ADCY4: variants seen among roughly 807,000 people sequenced by gnomAD.
ADCY4 encodes the protein adenylate cyclase type 4.
Under a neutral mutation model 125.5 loss-of-function variants are expected in ADCY4, and 111 were observed. The ratio of observed to expected loss-of-function variants is 0.88; its 90% CI spans 0.76 to 1.04. The LOEUF is 1.04. ADCY4 is among the 50% of genes least tolerant of loss of function. ADCY4 has a pLI of 0.00. For synonymous variants in ADCY4, 576 were observed against 586.9 expected, an observed-to-expected ratio of 0.98 and a Z score of 0.27; for missense variants, 1,256 against 1,382.9, an observed-to-expected ratio of 0.91 and a Z score of 1.46.
rs143391430 is a variant in ADCY4 at position 24,318,675 on chromosome 14, T to G, written c.3060A>C (p.Thr1020=). 6.2e-7 allele frequency: 1 copy of G among 1,614,162 alleles called. No individual in the cohort carries two copies. The highest frequency in any genetic ancestry group is 8.5e-7 in the Non-Finnish European group (1 of 1,180,010). The part of the protein sequence containing the change: ...TVNVASRMES[T]GVLGKIQVTE... ...TCACTTGGATTTTGCCAAGGACTCCTGTACTCTCCATGCGGCTGGCCACGT... is the reference window on the plus strand; with the variant it reads ...TCACTTGGATTTTGCCAAGGACTCCGGTACTCTCCATGCGGCTGGCCACGT... Residue 1020 remains threonine, a synonymous_variant, in exon 24 of 25, where the codon ACA becomes ACC. Coordinates refer to ENST00000418030, the MANE Select transcript of ADCY4 (RefSeq NM_001198568.2).
chr14:24,324,408 G>A lies in ADCY4; in HGVS notation c.1824-17C>T, dbSNP rs1470023934. The A allele has an allele frequency of 4.4e-6, 7 of 1,605,194 alleles. No homozygotes were observed. In the African/African-American group the frequency reaches 8.0e-5, roughly 18 times the overall value. On this transcript the variant is annotated splice_polypyrimidine_tract_variant and intron_variant, in intron 14 of 24. Coordinates refer to ENST00000418030, the MANE Select transcript of ADCY4 (RefSeq NM_001198568.2). ...GCTGGGGGCCTGAAGGGAGACAAAA[G>A]CGAGGCCTTGAAGTGCCAGAACAGG...
chr14:24,332,314 A>G, intron 3 of ADCY4: 1 of 533,918 alleles, frequency 1.9e-6, no homozygotes, highest in South Asian at 3.2e-5. Flanking sequence ...CCACGACACG[A>G]CTCCCTTCCG....
At chr14:24,329,315 C>A in intron 9 of ADCY4, 81 bp from the exon 10 acceptor site, 1 of 1,576,638 alleles carries the variant, frequency 6.3e-7, no homozygotes, top group South Asian at 1.2e-5. Flanking sequence ...CCCAGGAACT[C>A]AATCTCTGGC....
chr14:24,331,502 C>T (rs938900549), intron 4 of ADCY4, 146 bp from the exon 5 acceptor site: 2 of 1,112,650 alleles, frequency 1.8e-6, no homozygotes, highest in Admixed American at 2.5e-5. Context: ...ACAGCAGGGC[C>T]CCAGCACTCC....
rs1351286678 is a variant in ADCY4, at chr14:24,334,701, T to TG, written c.-50_-49insC. On this transcript the variant is annotated 5_prime_UTR_variant, in exon 1 of 25. Transcript: ENST00000418030. The stretch of plus-strand genomic sequence containing the variant: ...GGGCTGGCTAGGGCCGGGCGCCGGG[T>TG]TACCTCCTTCGGCCCGGCGGGCCCC... The TG allele has an allele frequency of 2.1e-6, 3 of 1,423,688 alleles. No homozygotes were observed. The highest frequency in any genetic ancestry group is 2.7e-5 in the East Asian group (1 of 36,984). 88.2% of individuals were successfully genotyped at this position (1,423,688 alleles called of 1,614,324 possible). A position where few individuals can be genotyped will look rare whatever the true frequency, so the allele number is the denominator to read the frequency against.
At position 24,334,593 on chromosome 14, in the gene ADCY4, G is replaced by C. The variant is rs780115577; in HGVS notation, c.60C>G (p.Tyr20Ter). Residue 20 changes from tyrosine to a stop codon, truncating the protein, a stop_gained, in exon 1 of 25, where the codon TAC (tyrosine) becomes TAG (stop). Coordinates refer to ENST00000418030, the MANE Select transcript of ADCY4 (RefSeq NM_001198568.2). LOFTEE classifies it high-confidence loss of function. ...PPSEDLFYET[Y>*]YSLSQQYPLL... ...GCGGGTACTGCTGGCTCAGGCTGTA[G>C]TAGGTCTCGTAGAAGAGGTCTTCGC... The C allele has an allele frequency of 1.0e-5, 16 of 1,568,772 alleles. No individual in the cohort carries two copies. The highest frequency in any genetic ancestry group is 1.4e-5 in the African/African-American group (1 of 73,980).
intron 3 of ADCY4, chr14:24,332,268 G>A: frequency 2.2e-6 from 1 of 445,378 alleles, no homozygotes; most frequent in Non-Finnish European, 3.9e-6. Context: ...TCTCTGTCAA[G>A]GTTTCATTAA....
Position 24,331,499 on chromosome 14 carries a change from G to T in ADCY4, c.670-143C>A, listed in dbSNP as rs1361799858. On this transcript the variant is annotated intron_variant, in intron 4 of 24. Transcript: ENST00000418030. Reference sequence around the variant, plus strand: ...CAGGTCCTCCCGCTGCACACAGCAGGGCCCCAGCACTCCATCCTACACTGA... The same window carrying T: ...CAGGTCCTCCCGCTGCACACAGCAGTGCCCCAGCACTCCATCCTACACTGA... 6.8e-6 allele frequency: 8 copies of T among 1,169,578 alleles called. No individual in the cohort carries two copies. In the African/African-American group the frequency reaches 1.2e-4, roughly 18 times the overall value. 72.5% of individuals were successfully genotyped at this position (1,169,578 alleles called of 1,614,324 possible).
Position 24,332,852 on chromosome 14 carries a change from G to T in ADCY4, c.296C>A (p.Ala99Glu). Residue 99 changes from alanine (A) to glutamate (E), a missense_variant, in exon 2 of 25, where the codon GCG becomes GAG. Transcript: ENST00000418030. The stretch of plus-strand genomic sequence containing the variant: ...GAAGGCGTGGCCTAGCGCTAGCAGC[G>T]CGACCCATACCAAGCCGGACAGGGG... ...TRPLSGLVWVALLALGHAFLF... is the reference protein window; with the variant it reads ...TRPLSGLVWVELLALGHAFLF... 1 of 1,597,782 alleles carries T rather than the reference G, an allele frequency of 6.3e-7. No individual in the cohort carries two copies. The highest frequency in any genetic ancestry group is 2.2e-5 in the East Asian group (1 of 44,466).
In ADCY4 at chr14:24,329,162, A is replaced by G. The variant is rs1237424322; in HGVS notation, c.1423T>C (p.Ser475Pro). The part of the protein sequence containing the change: ...SSLEGLKMRP[S>P]LLMTRYLESW... Reference sequence around the variant, plus strand: ...TCCAGGTAACGGGTCATCAGCAGTGATGGACGCATCTTGAGGCCCTCAAGC... The same window carrying G: ...TCCAGGTAACGGGTCATCAGCAGTGGTGGACGCATCTTGAGGCCCTCAAGC... The change falls in exon 10 of 25, where the codon TCA becomes CCA. Residue 475 changes from serine to proline, a missense_variant. Ser to Pro is a moderately conservative substitution (Grantham distance 74, BLOSUM62 -1). Transcript: ENST00000418030. 4 of 1,613,820 alleles carry G rather than the reference A, an allele frequency of 2.5e-6. No homozygotes were observed. The highest frequency in any genetic ancestry group is 1.7e-5 in the Admixed American group (1 of 59,974).
At chr14:24,324,009 T>A (rs1230759136) in intron 16 of ADCY4, 53 bp downstream of exon 16, 1 of 1,590,386 alleles carries the variant, frequency 6.3e-7, no homozygotes, top group African/African-American at 1.3e-5. Context: ...TTTCAGTCCC[T>A]GGCAGGTCCA....
At chr14:24,323,286 G>A (rs1166919829) in intron 17 of ADCY4, 58 bp downstream of exon 17, 1 of 1,488,204 alleles carries the variant, frequency 6.7e-7, no homozygotes, top group South Asian at 1.2e-5. Flanking sequence ...AGGGGGCTGT[G>A]GGCTTGGGCT....
Position 24,319,121 on chromosome 14 carries a change from A to C in ADCY4, c.2933T>G (p.Phe978Cys), listed in dbSNP as rs2041814315. 2 of 1,614,026 alleles carry C rather than the reference A, an allele frequency of 1.2e-6. No homozygotes were observed. Among genetic ancestry groups the C allele is most frequent in the Non-Finnish European group, 1.7e-6 (2 of 1,180,014 alleles). The change falls in exon 23 of 25, where the codon TTC (phenylalanine) becomes TGC (cysteine). Residue 978 changes from phenylalanine to cysteine, a missense_variant. Phe to Cys is a radical substitution (Grantham distance 205). Coordinates refer to ENST00000418030, the MANE Select transcript of ADCY4 (RefSeq NM_001198568.2). This position sits in a 1 kb window ranked among gnomAD's most constrained non-coding sequence, Gnocchi z 4.5. ...ACCCACTCGCAGGCGGAAGTTGTTG[A>C]ATGAATGCTTGTTGATGACGTCCAG... is the stretch of plus-strand genomic sequence containing the variant. ...SKLDVINKHS[F>C]NNFRLRVGLN...
chr14:24,331,573 A>AG, intron 4 of ADCY4: 6 of 893,306 alleles, frequency 6.7e-6, no homozygotes, highest in Non-Finnish European at 9.9e-6. Context: ...ATGGGAGTTC[A>AG]CTTAATATCA....
chr14:24,323,927 C>T lies in ADCY4; in HGVS notation c.2046+135G>A, dbSNP rs909854361. On this transcript the variant is annotated intron_variant, in intron 16 of 24. Transcript: ENST00000418030. The stretch of plus-strand genomic sequence containing the variant: ...GATTGCTGGAGACTGTAATTTTTTT[C>T]TTTCTATTTGTACAACATTTCCAGC... 4.6e-6 allele frequency: 6 copies of T among 1,299,502 alleles called. No individual in the cohort carries two copies. The Admixed American group carries it at 1.1e-4, about 24-fold the overall frequency. The allele number at this position is 1,299,502 out of a possible 1,614,324, so 80.5% of individuals were successfully genotyped here.
At chr14:24,330,951 C>G (rs1354419711) in intron 6 of ADCY4, 67 bp downstream of exon 6, 1 of 1,456,024 alleles carries the variant, frequency 6.9e-7, no homozygotes, top group African/African-American at 1.4e-5. Context: ...GGGAGTTTCC[C>G]TTGGAAGGGG....
Position 24,322,576 on chromosome 14 carries a change from G to C in ADCY4, c.2427+48C>G, listed in dbSNP as rs1205562314. 5 of 1,577,990 alleles carry C rather than the reference G, an allele frequency of 3.2e-6. No individual in the cohort carries two copies. The Admixed American group carries it at 8.4e-5, about 27-fold the overall frequency. On this transcript the variant is annotated intron_variant, in intron 19 of 24. Coordinates refer to ENST00000418030, the MANE Select transcript of ADCY4 (RefSeq NM_001198568.2). ...TTAGAAAGATCAAGTCACAGATATG[G>C]GGGCCACTCATAGGTGGGCCCTGGT...
At chr14:24,326,000 C>A (rs2041936199) in intron 12 of ADCY4, 79 bp downstream of exon 12, 1 of 1,571,886 alleles carries the variant, frequency 6.4e-7, no homozygotes, top group Non-Finnish European at 8.6e-7. Context: ...TTCCCTCCAG[C>A]CCCTCAGGGA....
chr14:24,318,591 G>A (rs2041804668), intron 24 of ADCY4, 23 bp from the exon 25 acceptor site: 6 of 1,614,074 alleles, frequency 3.7e-6, no homozygotes, highest in Non-Finnish European at 5.1e-6. Flanking sequence ...GGGGGCGAGG[G>A]AATATGGAGG....
Sources: gnomAD v4.1 joint callset for allele counts on GRCh38, gnomAD v4.1.1 for gene constraint, Gnocchi (gnomAD v3.1) non-coding constraint, MANE v1.5 for transcripts, NCBI Gene and HGNC (gene_info 2026-07-23, HGNC 2026-07-21) for gene names.